CCT6B: variants seen among roughly 807,000 people sequenced by gnomAD.
CCT6B encodes the protein chaperonin containing TCP1 subunit 6B, also known as probable T-complex protein 1 subunit zeta-2.
A neutral mutation model predicts 61.5 loss-of-function variants in CCT6B; 49 were observed. The ratio of observed to expected loss-of-function variants is 0.80; its 90% CI spans 0.63 to 1.01. CCT6B has a LOEUF of 1.01. CCT6B is among the 50% of genes least tolerant of loss of function. The pLI is 0.00. For synonymous variants in CCT6B, 228 were observed against 214.5 expected (o/e 1.06, Z -0.55); for missense variants, 666 against 634.7 (o/e 1.05, Z -0.53).
chr17:34,943,176 C>G (rs1459797915), intron 5 of CCT6B: 2 of 282,170 alleles, frequency 7.1e-6, no homozygotes, highest in Non-Finnish European at 6.5e-6. Context: ...ACCACCTCAC[C>G]CACCTCCTTG....
In CCT6B at chr17:34,953,600, G is replaced by C. The variant is rs1381186361; in HGVS notation, c.510+826C>G. Among the ~76,000 whole-genome samples, 4 of 152,040 alleles carry C rather than the reference G, an allele frequency of 2.6e-5. 1 individual carries two copies. The South Asian group carries it at 6.3e-4, about 24-fold the overall frequency. ...CCACCTCGGCCTCCTAAAGTGCTGG[G>C]ATTACAAGCATGAGCCACCATGCCC... On this transcript the variant is annotated intron_variant, in intron 4 of 13. Transcript: ENST00000314144.
intron 12 of CCT6B, among the ~76,000 whole-genome samples, chr17:34,930,165 C>T (rs775261877): frequency 1.3e-5 from 2 of 152,098 alleles, no homozygotes; most frequent in Non-Finnish European, 2.9e-5. Flanking sequence ...CCAGCTACTC[C>T]GGAGGCTGAG....
intron 4 of CCT6B, among the ~76,000 whole-genome samples, chr17:34,953,716 G>T (rs1342078867): frequency 6.6e-6 from 1 of 152,152 alleles, no homozygotes; most frequent in African/African-American, 2.4e-5. Flanking sequence ...CACTTTGGAA[G>T]CCCGAGGTGG....
chr17:34,946,797 A>G (rs1311381567), intron 5 of CCT6B, among the ~76,000 whole-genome samples: 2 of 152,248 alleles, frequency 1.3e-5, no homozygotes, highest in Admixed American at 6.5e-5. Context: ...AAAGGTCAGA[A>G]ACAAAGAGTA....
Position 34,927,874 on chromosome 17 carries a change from T to C in CCT6B, c.*174A>G. On this transcript the variant is annotated 3_prime_UTR_variant, in exon 14 of 14. Transcript: ENST00000314144. ...AAATATTATTCCTTTACTGTAAAAG[T>C]ATTTATTGTGTTCTTTATACCTTGA... The C allele has an allele frequency of 2.2e-6, 1 of 459,664 alleles. No homozygotes were observed. The highest frequency in any genetic ancestry group is 3.9e-6 in the Non-Finnish European group (1 of 256,564). 28.5% of individuals were successfully genotyped at this position (459,664 alleles called of 1,614,324 possible). A position where few individuals can be genotyped will look rare whatever the true frequency, so the allele number is the denominator to read the frequency against.
intron 5 of CCT6B, among the ~76,000 whole-genome samples, chr17:34,950,096 T>C (rs2142168762): frequency 6.6e-6 from 1 of 152,294 alleles, no homozygotes; most frequent in Non-Finnish European, 1.5e-5. Flanking sequence ...GTATCAGTAA[T>C]AAGATAACTA....
chr17:34,956,517 C>G (rs1300618218), intron 3 of CCT6B, among the ~76,000 whole-genome samples: 1 of 152,116 alleles, frequency 6.6e-6, no homozygotes, highest in Admixed American at 6.6e-5. Context: ...TAGCATCTCA[C>G]CCTTGCCAAA....
rs750316975 is a variant in CCT6B, at chr17:34,940,373, C to CT, written c.968+165dup. ...GTTCTGCAGTAGGTTAACAACCTTG[C>CT]TTTTTGACAGTTCAATTATTTACTG... On this transcript the variant is annotated intron_variant, in intron 8 of 13. Coordinates refer to ENST00000314144, the MANE Select transcript of CCT6B (RefSeq NM_006584.4). 2.0e-5 allele frequency among the ~76,000 whole-genome samples: 3 copies of CT among 152,264 alleles called. No homozygotes were observed. The South Asian group carries it at 6.2e-4, about 31-fold the overall frequency.
chr17:34,939,947 T>C (rs1026676074), intron 8 of CCT6B, among the ~76,000 whole-genome samples: 2 of 152,202 alleles, frequency 1.3e-5, no homozygotes, highest in Non-Finnish European at 2.9e-5. Flanking sequence ...ATTGCCTATG[T>C]GAGGCTTGAT....
intron 9 of CCT6B, 113 bp from the exon 10 acceptor site, chr17:34,939,443 G>A: frequency 1.1e-6 from 1 of 942,342 alleles, no homozygotes; most frequent in Non-Finnish European, 1.6e-6. Context: ...CATAACTAAG[G>A]GAGTTAAGTT....
At chr17:34,929,992 A>G (rs550280367) in intron 12 of CCT6B, among the ~76,000 whole-genome samples, 5 of 152,158 alleles carry the variant, frequency 3.3e-5, no homozygotes, top group African/African-American at 4.8e-5. Flanking sequence ...GTTGATTGCA[A>G]CTCCAACCTT....
chr17:34,929,921 CA>C (rs1202712548), intron 12 of CCT6B, among the ~76,000 whole-genome samples: 3 of 152,150 alleles, frequency 2.0e-5, no homozygotes, highest in African/African-American at 7.2e-5. Flanking sequence ...TTGACTCTGC[CA>C]AAACTGAATG....
At chr17:34,948,133 C>T (rs999999624) in intron 5 of CCT6B, among the ~76,000 whole-genome samples, 3 of 151,982 alleles carry the variant, frequency 2.0e-5, no homozygotes, top group Non-Finnish European at 2.9e-5. Flanking sequence ...TCTTAGATTT[C>T]GGTGCACCCA....
At position 34,942,581 on chromosome 17, in the gene CCT6B, T is replaced by C. The variant is rs183285392; in HGVS notation, c.788A>G (p.Glu263Gly). The change falls in exon 7 of 14, where the codon GAA becomes GGA. Residue 263 changes from glutamate (E) to glycine (G), a missense_variant. Coordinates refer to ENST00000314144, the MANE Select transcript of CCT6B (RefSeq NM_006584.4). ...TACTCTATCTTCAATAAATTTTCTTTCAGCTTTTACCAATTTCTCTTTCTC... is the reference window on the plus strand; with the variant it reads ...TACTCTATCTTCAATAAATTTTCTTCCAGCTTTTACCAATTTCTCTTTCTC... ...AEEKEKLVKA[E>G]RKFIEDRVQK... is the part of the protein sequence containing the mutation. The C allele has an allele frequency of 6.2e-6, 10 of 1,609,146 alleles. No individual in the cohort carries two copies. In the African/African-American group the frequency reaches 1.2e-4, roughly 19 times the overall value.
intron 5 of CCT6B, among the ~76,000 whole-genome samples, chr17:34,945,203 T>C (rs1004186992): frequency 1.3e-5 from 2 of 152,190 alleles, no homozygotes; most frequent in Non-Finnish European, 2.9e-5. Flanking sequence ...TATATTCACT[T>C]CCCAGATGGT....
intron 10 of CCT6B, among the ~76,000 whole-genome samples, chr17:34,937,891 CT>C (rs911609496): frequency 3.8e-4 from 55 of 144,404 alleles, no homozygotes; most frequent in South Asian, 4.4e-4. Context: ...CTTTTCTTCT[CT>C]TTTTTTTTTT....
In CCT6B at chr17:34,952,000, G is replaced by C. The variant is rs1240875787; in HGVS notation, c.564C>G (p.Leu188=). The change falls in exon 5 of 14, where the codon CTC becomes CTG. Residue 188 remains leucine (L), a synonymous_variant. Coordinates refer to ENST00000314144, the MANE Select transcript of CCT6B (RefSeq NM_006584.4). ...TCATCTCCATTATTTCTACCATGAA[G>C]AGATCAATAGGGTAACCTGGTCTTC... is the stretch of plus-strand genomic sequence containing the variant. ...AVRRPGYPID[L]FMVEIMEMKH... 4 of 1,609,706 alleles carry C rather than the reference G, an allele frequency of 2.5e-6. No homozygotes were observed. The highest frequency in any genetic ancestry group is 3.4e-6 in the Non-Finnish European group (4 of 1,176,932).
intron 12 of CCT6B, among the ~76,000 whole-genome samples, chr17:34,930,746 C>T (rs1015172969): frequency 6.6e-6 from 1 of 152,104 alleles, no homozygotes; most frequent in Non-Finnish European, 1.5e-5. Flanking sequence ...CTGTTTTGTT[C>T]TGTGTGAAGC....
intron 13 of CCT6B, 57 bp from the exon 14 acceptor site, chr17:34,928,174 C>T: frequency 9.0e-7 from 1 of 1,113,422 alleles, no homozygotes; most frequent in South Asian, 1.4e-5. Context: ...TAGCTTTTTT[C>T]CCCAGCAATC....
Sources: allele counts gnomAD v4.1 joint callset (sites outside exome capture counted in the v4.1 genomes callset), GRCh38; gene constraint gnomAD v4.1.1; transcripts MANE v1.5; gene names NCBI Gene and HGNC (gene_info 2026-07-23, HGNC 2026-07-21).